The following LRRTM4 variants were observed in gnomAD, a reference collection of about 807,000 sequenced individuals.
LRRTM4 encodes leucine-rich repeat transmembrane neuronal protein 4.
In LRRTM4, 25 loss-of-function variants were observed where a neutral mutation model predicts 47.6. That is an observed-to-expected ratio of 0.53 (90% CI 0.38 to 0.73). The LOEUF (loss-of-function observed/expected upper bound fraction) is 0.73. Among genes scored for constraint, LRRTM4 ranks in the 30% least tolerant of loss-of-function variants. The pLI, the probability that LRRTM4 is intolerant of heterozygous loss-of-function variation, is 0.00. For missense variants in LRRTM4, 638 were observed against 713.4 expected (o/e 0.89, Z 1.20); for synonymous variants, 311 against 269.5 (o/e 1.15, Z -1.51).
intron 3 of LRRTM4, among the ~76,000 whole-genome samples, chr2:76,788,960 A>G (rs1336009442): frequency 6.6e-6 from 1 of 152,234 alleles, no homozygotes; most frequent in Non-Finnish European, 1.5e-5. Flanking sequence ...TACATTGTAC[A>G]GATGAGAAAG....
chr2:76,758,791 A>G (rs1382400476), intron 3 of LRRTM4, among the ~76,000 whole-genome samples: 1 of 152,168 alleles, frequency 6.6e-6, no homozygotes, highest in African/African-American at 2.4e-5. Flanking sequence ...GTAAATATTT[A>G]TCACAGAGGT....
intron 3 of LRRTM4, among the ~76,000 whole-genome samples, chr2:77,037,572 T>G (rs1046895725): frequency 1.3e-5 from 2 of 151,732 alleles, no homozygotes; most frequent in Non-Finnish European, 3.0e-5. Context: ...AAGAAAAGCC[T>G]CACATTTCAC....
intron 3 of LRRTM4, among the ~76,000 whole-genome samples, chr2:76,908,248 G>C (rs1673920937): frequency 6.6e-6 from 1 of 151,888 alleles, no homozygotes; most frequent in African/African-American, 2.4e-5. Context: ...AAAACCACAT[G>C]ATTATCTCAA....
chr2:77,375,411 C>A (rs1672797639), intron 3 of LRRTM4, among the ~76,000 whole-genome samples: 1 of 151,668 alleles, frequency 6.6e-6, no homozygotes, highest in African/African-American at 2.4e-5. Flanking sequence ...AGTTTCCTTG[C>A]ACACCTTCTT....
intron 3 of LRRTM4, among the ~76,000 whole-genome samples, chr2:76,970,075 C>G (rs917802693): frequency 6.6e-6 from 1 of 151,876 alleles, no homozygotes; most frequent in East Asian, 1.9e-4. Context: ...ACTTGTTCAT[C>G]GTCACTCAAC....
intron 3 of LRRTM4, among the ~76,000 whole-genome samples, chr2:77,308,646 C>A (rs1007748604): frequency 6.6e-6 from 1 of 152,090 alleles, no homozygotes; most frequent in Non-Finnish European, 1.5e-5. Flanking sequence ...TTTATCTCCC[C>A]ATTTTTCTTC....
intron 3 of LRRTM4, among the ~76,000 whole-genome samples, chr2:77,406,366 G>C (rs1291055766): frequency 6.6e-6 from 1 of 151,986 alleles, no homozygotes; most frequent in Non-Finnish European, 1.5e-5. Context: ...CTGTTGCCCA[G>C]GCTGGAATGC....
chr2:77,405,195 T>C (rs921657527), intron 3 of LRRTM4, among the ~76,000 whole-genome samples: 3 of 152,094 alleles, frequency 2.0e-5, no homozygotes, highest in South Asian at 4.1e-4. Flanking sequence ...CTCACTCTAA[T>C]TGCAACCAAA....
At chr2:77,120,888 T>C (rs1431516727) in intron 3 of LRRTM4, among the ~76,000 whole-genome samples, 1 of 151,810 alleles carries the variant, frequency 6.6e-6, no homozygotes, top group African/African-American at 2.4e-5. Context: ...TCTGAGAACA[T>C]ATAATTTAAT....
At chr2:77,067,379 A>G (rs1679990164) in intron 3 of LRRTM4, among the ~76,000 whole-genome samples, 1 of 151,902 alleles carries the variant, frequency 6.6e-6, no homozygotes, top group Admixed American at 6.6e-5. Context: ...AGATAATAAA[A>G]CCTGGCACTA....
chr2:76,996,481 T>C (rs925084373), intron 3 of LRRTM4, among the ~76,000 whole-genome samples: 7 of 152,080 alleles, frequency 4.6e-5, no homozygotes, highest in Admixed American at 1.3e-4. Flanking sequence ...CTTTGAAAAT[T>C]ATGGAGAAAA....
intron 3 of LRRTM4, among the ~76,000 whole-genome samples, chr2:77,322,709 T>G (rs1364339540): frequency 6.6e-6 from 1 of 151,084 alleles, no homozygotes; most frequent in Non-Finnish European, 1.5e-5. Context: ...TGCCAAAGTT[T>G]GTTTTAAAAA....
At chr2:77,038,716 A>G (rs1678925009) in intron 3 of LRRTM4, among the ~76,000 whole-genome samples, 1 of 151,568 alleles carries the variant, frequency 6.6e-6, no homozygotes, top group African/African-American at 2.4e-5. Context: ...AAATTATCCT[A>G]GAAATTCAAT....
At chr2:76,918,337 G>A (rs778292176) in intron 3 of LRRTM4, among the ~76,000 whole-genome samples, 1 of 152,156 alleles carries the variant, frequency 6.6e-6, no homozygotes, top group South Asian at 2.1e-4. Flanking sequence ...TACTTGAGGT[G>A]TAATCAAACA....
chr2:76,976,767 C>G (rs1676431332), intron 3 of LRRTM4, among the ~76,000 whole-genome samples: 2 of 151,776 alleles, frequency 1.3e-5, no homozygotes, highest in Non-Finnish European at 2.9e-5. Context: ...TTCTAGTGTT[C>G]TGTAGCACTG....
At chr2:77,224,882 G>T (rs1233780766) in intron 3 of LRRTM4, among the ~76,000 whole-genome samples, 1 of 151,988 alleles carries the variant, frequency 6.6e-6, no homozygotes, top group Non-Finnish European at 1.5e-5. Context: ...CCAAAAGATT[G>T]TAAATCATGC....
At chr2:76,887,092 T>G (rs140885824) in intron 3 of LRRTM4, among the ~76,000 whole-genome samples, 18 of 151,758 alleles carry the variant, frequency 1.2e-4, no homozygotes, top group African/African-American at 3.1e-4. Context: ...AATACGAGAA[T>G]GCACAGAAAT....
intron 3 of LRRTM4, among the ~76,000 whole-genome samples, chr2:76,919,106 T>C (rs1467856239): frequency 1.3e-5 from 2 of 152,292 alleles, no homozygotes; most frequent in South Asian, 2.1e-4. Flanking sequence ...CCAGAGAATA[T>C]GTATGGCACA....
At chr2:76,990,740 T>A (rs12233066) in intron 3 of LRRTM4, among the ~76,000 whole-genome samples, 1 of 151,386 alleles carries the variant, frequency 6.6e-6, no homozygotes, top group East Asian at 1.9e-4. Flanking sequence ...AGGCAGATCA[T>A]TGAGGCAGAA....
Sources: gnomAD v4.1 joint callset for allele counts (sites outside exome capture counted in the v4.1 genomes callset) on GRCh38, gnomAD v4.1.1 for gene constraint, MANE v1.5 for transcripts, NCBI Gene and HGNC (gene_info 2026-07-23, HGNC 2026-07-21) for gene names.